Variants in ALDH8A1 observed in about 807,000 individuals in gnomAD.
The protein encoded by ALDH8A1 is 2-aminomuconic semialdehyde dehydrogenase.
In ALDH8A1, 39 loss-of-function variants were observed where a neutral mutation model predicts 43.3. The observed-to-expected ratio is 0.90, with a 90% CI of 0.70 to 1.18. The LOEUF (loss-of-function observed/expected upper bound fraction) is 1.18, where lower values mean the gene tolerates loss of function less well. Among genes scored for constraint, ALDH8A1 ranks in the 50% most tolerant of loss-of-function variants. The probability of loss-of-function intolerance (pLI) is 0.00; values close to 1 mark genes in which losing one functional copy is unlikely to be tolerated. For synonymous variants in ALDH8A1, 233 were observed against 243.5 expected, an observed-to-expected ratio of 0.96 and a Z score of 0.40; for missense variants, 605 against 622.6, an observed-to-expected ratio of 0.97 and a Z score of 0.30.
intron 6 of ALDH8A1, among the ~76,000 whole-genome samples, chr6:134,926,665 T>C (rs941867445): frequency 6.6e-6 from 1 of 152,036 alleles, no homozygotes; most frequent in African/African-American, 2.4e-5. Flanking sequence ...AAAAATTAAC[T>C]GGGTGTGGTG....
At chr6:134,919,311 T>C (rs924603139) in intron 6 of ALDH8A1, among the ~76,000 whole-genome samples, 1 of 152,242 alleles carries the variant, frequency 6.6e-6, no homozygotes, top group Non-Finnish European at 1.5e-5. Context: ...GAATATTTTC[T>C]CCCTTTTTGG....
chr6:134,947,091 C>A (rs1773966713), intron 1 of ALDH8A1, among the ~76,000 whole-genome samples: 1 of 152,216 alleles, frequency 6.6e-6, no homozygotes, highest in African/African-American at 2.4e-5. Flanking sequence ...TTACAGCCAA[C>A]TCGTTTTTTA....
chr6:134,946,462 T>C (rs1583038306), intron 1 of ALDH8A1, among the ~76,000 whole-genome samples: 1 of 152,242 alleles, frequency 6.6e-6, no homozygotes, highest in African/African-American at 2.4e-5. Context: ...CCATGTAATA[T>C]AGAATACATA....
intron 4 of ALDH8A1, among the ~76,000 whole-genome samples, chr6:134,935,380 A>G (rs1321064851): frequency 6.6e-6 from 1 of 152,276 alleles, no homozygotes; most frequent in Non-Finnish European, 1.5e-5. Flanking sequence ...AATAACAATC[A>G]GTAAGCAGCA....
chr6:134,924,649 C>T (rs1254207220), intron 6 of ALDH8A1, among the ~76,000 whole-genome samples: 2 of 152,140 alleles, frequency 1.3e-5, no homozygotes, highest in Admixed American at 1.3e-4. Flanking sequence ...GAGAGTCCTT[C>T]TCTATGTTGT....
intron 6 of ALDH8A1, among the ~76,000 whole-genome samples, chr6:134,922,626 G>A (rs1032183940): frequency 6.6e-6 from 1 of 151,994 alleles, no homozygotes; most frequent in African/African-American, 2.4e-5. Context: ...GACCTAAAGT[G>A]ATCCACCCGC....
Position 134,932,756 on chromosome 6 carries a change from A to G in ALDH8A1, c.849+20T>C, listed in dbSNP as rs779987575. 6.2e-7 allele frequency: 1 copy of G among 1,610,498 alleles called. No individual in the cohort carries two copies. The highest frequency in any genetic ancestry group is 1.7e-4 in the Middle Eastern group (1 of 6,020). ...TGACAGGGCCATGGAGGGGAGGGAG[A>G]AGAACCCCCGGGGACATACCTGGTT... is the stretch of plus-strand genomic sequence containing the variant. On this transcript the variant is annotated intron_variant, in intron 5 of 6. Coordinates refer to ENST00000265605, the MANE Select transcript of ALDH8A1 (RefSeq NM_022568.4).
chr6:134,942,628 A>G, intron 2 of ALDH8A1, 64 bp from the exon 3 acceptor site: 1 of 1,523,590 alleles, frequency 6.6e-7, no homozygotes, highest in Non-Finnish European at 8.9e-7. Flanking sequence ...ATCAGCTTCC[A>G]CTGCCCACGC....
chr6:134,924,446 C>T (rs1343459114), intron 6 of ALDH8A1, among the ~76,000 whole-genome samples: 1 of 152,190 alleles, frequency 6.6e-6, no homozygotes, highest in African/African-American at 2.4e-5. Flanking sequence ...TAATAAATCA[C>T]CCTTATTATT....
At chr6:134,939,241 C>T (rs878960840) in intron 4 of ALDH8A1, 25 bp downstream of exon 4, 1 of 1,609,502 alleles carries the variant, frequency 6.2e-7, no homozygotes, top group Non-Finnish European at 8.5e-7. Context: ...TCTGTGCCTG[C>T]CCCCCAACCC....
intron 6 of ALDH8A1, among the ~76,000 whole-genome samples, chr6:134,923,213 A>G (rs1359138476): frequency 6.6e-6 from 1 of 152,062 alleles, no homozygotes; most frequent in African/African-American, 2.4e-5. Flanking sequence ...TATAATTTTT[A>G]GAGACAGGGT....
intron 3 of ALDH8A1, among the ~76,000 whole-genome samples, chr6:134,939,810 C>T (rs1354926086): frequency 6.6e-6 from 1 of 152,124 alleles, no homozygotes; most frequent in African/African-American, 2.4e-5. Context: ...ATAGCAAAGA[C>T]ATGGAATCAA....
Position 134,918,688 on chromosome 6 carries a change from C to T in ALDH8A1, c.1191G>A (p.Thr397=), listed in dbSNP as rs536504709. Residue 397 remains threonine, a synonymous_variant, in exon 7 of 7, where the codon ACG becomes ACA. Transcript: ENST00000265605. ...CMTEEIFGPV[T]CVVPFDSEEE... Reference sequence around the variant, plus strand: ...CTTCACTATCAAAGGGGACGACACACGTCACTGGACCAAATATCTCTTCCG... The same window carrying T: ...CTTCACTATCAAAGGGGACGACACATGTCACTGGACCAAATATCTCTTCCG... 1.4e-5 allele frequency: 23 copies of T among 1,614,204 alleles called. No individual in the cohort carries two copies. The highest frequency in any genetic ancestry group is 5.5e-5 in the South Asian group (5 of 91,084).
At position 134,929,202 on chromosome 6, in the gene ALDH8A1, A is replaced by C; in HGVS notation, c.863T>G (p.Leu288Arg). 1 of 1,614,018 alleles carries C rather than the reference A, an allele frequency of 6.2e-7. No individual in the cohort carries two copies. Among genetic ancestry groups the C allele is most frequent in the Non-Finnish European group, 8.5e-7 (1 of 1,179,972 alleles). The change falls in exon 6 of 7, where the codon CTC (leucine) becomes CGC (arginine). Residue 288 changes from leucine (L) to arginine (R), a missense_variant. Physicochemically the swap from Leu to Arg is moderately radical, Grantham distance 102. Coordinates refer to ENST00000265605, the MANE Select transcript of ALDH8A1 (RefSeq NM_022568.4). ...CTGGACAAAGATCCTGCTGGTACAG[A>C]GACAGATTTCACCCTGCCAAGAATG... ...SSFANQGEIC[L>R]CTSRIFVQKS... is the part of the protein sequence containing the mutation.
At chr6:134,940,768 C>T (rs759945861) in intron 3 of ALDH8A1, among the ~76,000 whole-genome samples, 9 of 152,174 alleles carry the variant, frequency 5.9e-5, no homozygotes, top group Non-Finnish European at 1.3e-4. Context: ...CAAGCCTGTG[C>T]TATGAAAGTA....
intron 6 of ALDH8A1, 133 bp from the exon 7 acceptor site, chr6:134,919,000 C>T: frequency 9.5e-7 from 1 of 1,051,878 alleles, no homozygotes; most frequent in Non-Finnish European, 1.4e-6. Flanking sequence ...GGTCGATTAT[C>T]TTATCACTCA....
At chr6:134,946,689 T>C (rs1773955479) in intron 1 of ALDH8A1, among the ~76,000 whole-genome samples, 1 of 152,226 alleles carries the variant, frequency 6.6e-6, no homozygotes, top group Non-Finnish European at 1.5e-5. Context: ...GTGGTGCAGC[T>C]TGTATTTGAA....
At chr6:134,946,243 T>C (rs1326345606) in intron 1 of ALDH8A1, among the ~76,000 whole-genome samples, 1 of 152,178 alleles carries the variant, frequency 6.6e-6, no homozygotes, top group Non-Finnish European at 1.5e-5. Context: ...CCTCAAAAAC[T>C]AAATCTTGAA....
In ALDH8A1 at chr6:134,918,286, T is replaced by G; in HGVS notation, c.*129A>C. The G allele has an allele frequency of 1.2e-6, 1 of 833,558 alleles. No homozygotes were observed. Among genetic ancestry groups the G allele is most frequent in the Non-Finnish European group, 1.9e-6 (1 of 534,700 alleles). The allele number at this position is 833,558 out of a possible 1,614,324, so 51.6% of individuals were successfully genotyped here. A position where few individuals can be genotyped will look rare whatever the true frequency, so the allele number is the denominator to read the frequency against. On this transcript the variant is annotated 3_prime_UTR_variant, in exon 7 of 7. Transcript: ENST00000265605. ...GGGTAAAGTTACTAAGAACTGAGGATAAGCTAGAGATAACCTTCTGCCAAG... is the reference window on the plus strand; with the variant it reads ...GGGTAAAGTTACTAAGAACTGAGGAGAAGCTAGAGATAACCTTCTGCCAAG...
Sources: allele counts gnomAD v4.1 joint callset (sites outside exome capture counted in the v4.1 genomes callset), GRCh38; gene constraint gnomAD v4.1.1; transcripts MANE v1.5; gene names NCBI Gene and HGNC (gene_info 2026-07-23, HGNC 2026-07-21).